Variants in OPCML observed in about 807,000 individuals in gnomAD.
OPCML encodes the protein opioid-binding protein/cell adhesion molecule.
OPCML carries 13 observed loss-of-function variants against 37.8 expected under a neutral mutation model. That is an observed-to-expected ratio of 0.34 (90% CI 0.22 to 0.55). OPCML has a LOEUF of 0.55. Among genes scored for constraint, OPCML ranks in the 20% least tolerant of loss-of-function variants. The probability of loss-of-function intolerance (pLI) is 0.91; values close to 1 mark genes in which losing one functional copy is unlikely to be tolerated. For synonymous variants in OPCML, 176 were observed against 168.8 expected, an observed-to-expected ratio of 1.04 and a Z score of -0.33; for missense variants, 341 against 435.6, an observed-to-expected ratio of 0.78 and a Z score of 1.93.
intron 1 of OPCML, among the ~76,000 whole-genome samples, chr11:133,201,654 G>A (rs561497260): frequency 2.6e-5 from 4 of 152,286 alleles, no homozygotes; most frequent in Non-Finnish European, 4.4e-5. Context: ...AAATGAAGGA[G>A]AGGAGAAAAA....
At chr11:132,486,465 T>C (rs1044598571) in intron 4 of OPCML, among the ~76,000 whole-genome samples, 6 of 152,220 alleles carry the variant, frequency 3.9e-5, no homozygotes, top group African/African-American at 1.4e-4. Context: ...CATACTTTTA[T>C]AATCTTTTTA....
At chr11:133,422,939 G>A in intron 1 of OPCML, 1 of 985,258 alleles carries the variant, frequency 1.0e-6, no homozygotes, top group Non-Finnish European at 1.2e-6. Flanking sequence ...ACTGGGGCTA[G>A]AACAAAATGC....
chr11:132,872,608 T>G (rs1273828922), intron 2 of OPCML, among the ~76,000 whole-genome samples: 1 of 152,188 alleles, frequency 6.6e-6, no homozygotes, highest in Non-Finnish European at 1.5e-5. Flanking sequence ...GAAAGGACTC[T>G]GAGGCCCAGA....
At chr11:133,422,094 T>C (rs1359663190) in intron 1 of OPCML, 1 of 959,720 alleles carries the variant, frequency 1.0e-6, no homozygotes, top group Non-Finnish European at 1.2e-6. Context: ...ATTAGGTGTT[T>C]CTCCTAATGC....
intron 2 of OPCML, among the ~76,000 whole-genome samples, chr11:132,717,705 G>A (rs1189167879): frequency 2.0e-5 from 3 of 152,144 alleles, no homozygotes; most frequent in Non-Finnish European, 1.5e-5. Flanking sequence ...GAAAGGAAGA[G>A]CCTTTGAAAA....
chr11:132,505,137 A>G (rs544189866), intron 4 of OPCML, among the ~76,000 whole-genome samples: 1 of 152,318 alleles, frequency 6.6e-6, no homozygotes, highest in African/African-American at 2.4e-5. Context: ...GAAGAGTAGA[A>G]TTAAAACAGG....
intron 2 of OPCML, among the ~76,000 whole-genome samples, chr11:132,700,509 T>TA (rs1253901676): frequency 6.6e-6 from 1 of 152,212 alleles, no homozygotes; most frequent in African/African-American, 2.4e-5. Flanking sequence ...CTCAGATTTT[T>TA]AAAAAATATC....
chr11:133,202,915 T>A (rs112915487), intron 1 of OPCML, among the ~76,000 whole-genome samples: 2,103 of 152,304 alleles, frequency 0.014, 15 homozygotes, highest in Non-Finnish European at 0.02. Context: ...ACCAGCAGTG[T>A]GATCCTGACC....
intron 2 of OPCML, among the ~76,000 whole-genome samples, chr11:132,834,343 G>A (rs568159269): frequency 2.0e-5 from 3 of 152,260 alleles, no homozygotes; most frequent in African/African-American, 7.2e-5. Context: ...TCCCCAGTCC[G>A]CGAATGCTAA....
chr11:133,161,668 A>AT (rs1950143333), intron 1 of OPCML, among the ~76,000 whole-genome samples: 1 of 152,206 alleles, frequency 6.6e-6, no homozygotes, highest in South Asian at 2.1e-4. Context: ...TTTGAAATAT[A>AT]TACTGTATTG....
intron 1 of OPCML, among the ~76,000 whole-genome samples, chr11:133,143,747 C>A (rs1949858520): frequency 6.6e-6 from 1 of 152,222 alleles, no homozygotes; most frequent in Admixed American, 6.5e-5. Flanking sequence ...CTTAACCTCT[C>A]AACTAGAAGC....
intron 1 of OPCML, among the ~76,000 whole-genome samples, chr11:133,191,119 G>GT (rs1405210181): frequency 6.6e-6 from 1 of 151,874 alleles, no homozygotes; most frequent in Non-Finnish European, 1.5e-5. Context: ...GAGGTTTCCA[G>GT]TTTCTCTACA....
intron 7 of OPCML, among the ~76,000 whole-genome samples, chr11:132,432,433 G>A (rs935173962): frequency 6.6e-6 from 1 of 152,130 alleles, no homozygotes; most frequent in African/African-American, 2.4e-5. Flanking sequence ...GTGCCTTGTA[G>A]GGACCACAGA....
chr11:133,433,586 C>T (rs11223472), intron 1 of OPCML, among the ~76,000 whole-genome samples: 1 of 152,148 alleles, frequency 6.6e-6, no homozygotes, highest in South Asian at 2.1e-4. Context: ...TCTTACCAAC[C>T]TATGTCCAAG....
intron 1 of OPCML, chr11:133,006,449 A>G: frequency 1.0e-6 from 1 of 985,446 alleles, no homozygotes; most frequent in Non-Finnish European, 1.2e-6. Context: ...AAGACCTTGA[A>G]TAAGTGAGCT....
At chr11:133,244,993 C>G (rs1314491673) in intron 1 of OPCML, among the ~76,000 whole-genome samples, 1 of 152,252 alleles carries the variant, frequency 6.6e-6, no homozygotes, top group Non-Finnish European at 1.5e-5. Flanking sequence ...CCCAGGAAAT[C>G]TGTGCTGTGG....
At chr11:132,427,551 T>C (rs1415484796) in intron 7 of OPCML, among the ~76,000 whole-genome samples, 1 of 152,222 alleles carries the variant, frequency 6.6e-6, no homozygotes, top group Non-Finnish European at 1.5e-5. Flanking sequence ...CTGAAACCAG[T>C]CGATAAAGAG....
intron 1 of OPCML, among the ~76,000 whole-genome samples, chr11:133,043,698 G>A (rs1947951225): frequency 6.6e-6 from 1 of 152,184 alleles, no homozygotes; most frequent in African/African-American, 2.4e-5. Flanking sequence ...CCAATTGTGA[G>A]TGATTGCGTG....
intron 1 of OPCML, among the ~76,000 whole-genome samples, chr11:133,217,341 G>T (rs1299261932): frequency 1.3e-5 from 2 of 152,174 alleles, no homozygotes; most frequent in Non-Finnish European, 2.9e-5. Flanking sequence ...CAGAATTGGG[G>T]TCCCAGTGTT....
Sources: allele counts gnomAD v4.1 joint callset (sites outside exome capture counted in the v4.1 genomes callset), GRCh38; gene constraint gnomAD v4.1.1; transcripts MANE v1.5; gene names NCBI Gene and HGNC (gene_info 2026-07-23, HGNC 2026-07-21).